MTHFSD: variants seen among roughly 807,000 people sequenced by gnomAD.
The protein encoded by MTHFSD is methenyltetrahydrofolate synthetase domain containing.
Under a neutral mutation model 31.1 loss-of-function variants are expected in MTHFSD, and 37 were observed. The observed-to-expected ratio is 1.19, with a 90% CI of 0.91 to 1.56. MTHFSD has a LOEUF of 1.56. Among genes scored for constraint, MTHFSD ranks in the 40% most tolerant of loss-of-function variants. The pLI is 0.00. For synonymous variants in MTHFSD, 221 were observed against 206.9 expected, an observed-to-expected ratio of 1.07 and a Z score of -0.59; for missense variants, 664 against 510.1, an observed-to-expected ratio of 1.30 and a Z score of -2.91.
rs1969955063 is a variant in MTHFSD, at chr16:86,531,106, C to T, written c.*905G>A. The T allele has an allele frequency of 6.6e-6, 1 of 152,110 alleles. No individual in the cohort carries two copies. The highest frequency in any genetic ancestry group is 6.5e-5 in the Admixed American group (1 of 15,276). The allele number at this position is 152,110 out of a possible 1,614,324, so 9.4% of individuals were successfully genotyped here. The stretch of plus-strand genomic sequence containing the variant: ...CCTCTGGCTAAAAAATCAAAATTTC[C>T]AAAGCATATACATTTGAAAAAAACA... On this transcript the variant is annotated 3_prime_UTR_variant, in exon 8 of 8. Transcript: ENST00000360900. The surrounding 1 kb of genome is among the most constrained non-coding windows in gnomAD (Gnocchi z 5.5).
rs1971559530 is a variant in MTHFSD, at chr16:86,541,789, G to A, written c.589C>T (p.His197Tyr). Residue 197 changes from histidine to tyrosine, a missense_variant, in exon 7 of 8, where the codon CAC (histidine) becomes TAC (tyrosine). Transcript: ENST00000360900. ...AGGATGTAGTCCACAGTGATGTCGT[G>A]CTCCTCAACAAGCTCTTCAGGGATG... ...VDIPEELVEE[H>Y]DITVDYILTP... 1.2e-6 allele frequency: 2 copies of A among 1,614,198 alleles called. No homozygotes were observed. The highest frequency in any genetic ancestry group is 2.2e-5 in the East Asian group (1 of 44,884).
intron 3 of MTHFSD, among the ~76,000 whole-genome samples, chr16:86,550,488 G>A (rs1021778220): frequency 6.6e-6 from 1 of 152,198 alleles, no homozygotes; most frequent in East Asian, 1.9e-4. Context: ...ACACTTGCAA[G>A]GACTGGCTCT....
chr16:86,535,341 C>T (rs1045992844), intron 7 of MTHFSD: 13 of 230,154 alleles, frequency 5.6e-5, no homozygotes, highest in Middle Eastern at 2.2e-3. Context: ...GGCTGTGGGG[C>T]GGCTTTGCCA....
At chr16:86,539,514 C>A (rs1971184954) in intron 7 of MTHFSD, among the ~76,000 whole-genome samples, 1 of 152,214 alleles carries the variant, frequency 6.6e-6, no homozygotes, top group Non-Finnish European at 1.5e-5. Flanking sequence ...AACGAGAGGG[C>A]TTGGAGAGTG....
intron 4 of MTHFSD, chr16:86,547,118 A>G: frequency 1.0e-6 from 1 of 959,078 alleles, no homozygotes; most frequent in Non-Finnish European, 1.2e-6. Flanking sequence ...AAACGTATGC[A>G]TTTAGCACAT....
chr16:86,541,766 G>C lies in MTHFSD; in HGVS notation c.612C>G (p.Ile204Met). The change falls in exon 7 of 8, where the codon ATC (isoleucine) becomes ATG (methionine). Residue 204 changes from isoleucine (I) to methionine (M), a missense_variant. Coordinates refer to ENST00000360900, the MANE Select transcript of MTHFSD (RefSeq NM_001159377.2). Reference protein sequence around the residue: ...VEEHDITVDYILTPTRVIATG... With the variant: ...VEEHDITVDYMLTPTRVIATG... The stretch of plus-strand genomic sequence containing the variant: ...TGGCGATGACTCTGGTTGGAGTGAG[G>C]ATGTAGTCCACAGTGATGTCGTGCT... The C allele has an allele frequency of 6.2e-7, 1 of 1,614,232 alleles. No homozygotes were observed. The highest frequency in any genetic ancestry group is 2.2e-5 in the East Asian group (1 of 44,882).
rs1241722618 is a variant in MTHFSD, at chr16:86,531,157, G to C, written c.*854C>G. 1 of 152,182 alleles carries C rather than the reference G, an allele frequency of 6.6e-6. No individual in the cohort carries two copies. The highest frequency in any genetic ancestry group is 1.5e-5 in the Non-Finnish European group (1 of 68,026). The allele number at this position is 152,182 out of a possible 1,614,324, so 9.4% of individuals were successfully genotyped here. ...AAATCTCCACTTAAAAGCTTATTTTGACTTGTTGCCCGGGATCAATTGCAA... is the reference window on the plus strand; with the variant it reads ...AAATCTCCACTTAAAAGCTTATTTTCACTTGTTGCCCGGGATCAATTGCAA... On this transcript the variant is annotated 3_prime_UTR_variant, in exon 8 of 8. Transcript: ENST00000360900. The surrounding 1 kb of genome is among the most constrained non-coding windows in gnomAD (Gnocchi z 5.5).
chr16:86,533,824 C>T (rs898758181), intron 7 of MTHFSD: 9 of 152,218 alleles, frequency 5.9e-5, no homozygotes, highest in Admixed American at 5.9e-4. Flanking sequence ...GTTAAAGATA[C>T]ACAAAAACCT....
intron 5 of MTHFSD, among the ~76,000 whole-genome samples, chr16:86,543,115 A>G (rs1459807232): frequency 6.6e-6 from 1 of 152,264 alleles, no homozygotes; most frequent in Non-Finnish European, 1.5e-5. Context: ...GGATATGAAC[A>G]GTTCACAGAA....
intron 7 of MTHFSD, among the ~76,000 whole-genome samples, chr16:86,535,035 C>G (rs4843389): frequency 0.22 from 33,180 of 152,204 alleles, 4,181 homozygotes; most frequent in East Asian, 0.36. Context: ...CGGCAGAAAT[C>G]TGTTTTGAAA....
intron 3 of MTHFSD, among the ~76,000 whole-genome samples, chr16:86,549,432 T>C (rs1312831068): frequency 6.6e-6 from 1 of 152,230 alleles, no homozygotes; most frequent in Non-Finnish European, 1.5e-5. Flanking sequence ...ACCCATGACA[T>C]CTGTTTGGCC....
At chr16:86,550,628 C>T (rs552417767) in intron 3 of MTHFSD, among the ~76,000 whole-genome samples, 1 of 152,318 alleles carries the variant, frequency 6.6e-6, no homozygotes, top group South Asian at 2.1e-4. Flanking sequence ...TAGTAGAGAA[C>T]CAAACCACAT....
At chr16:86,546,437 G>C in intron 5 of MTHFSD, 122 bp downstream of exon 5, 1 of 838,554 alleles carries the variant, frequency 1.2e-6, no homozygotes, top group East Asian at 2.5e-5. Context: ...CGGCTTCGGA[G>C]ACCAGGTAAG....
chr16:86,552,805 G>C (rs1347949574), intron 2 of MTHFSD, among the ~76,000 whole-genome samples: 1 of 152,212 alleles, frequency 6.6e-6, no homozygotes, highest in Middle Eastern at 3.2e-3. Flanking sequence ...GAGGACCAGG[G>C]AAGGTGGAGC....
At position 86,541,693 on chromosome 16, in the gene MTHFSD, C is replaced by A. The variant is rs775619193; in HGVS notation, c.681+4G>T. On this transcript the variant is annotated splice_donor_region_variant and intron_variant, in intron 7 of 7. Coordinates refer to ENST00000360900, the MANE Select transcript of MTHFSD (RefSeq NM_001159377.2). ...GGCCAGAGCTGGCCACTGCCGTGAC[C>A]CACCTTGAACCAGGTGATTCCCATT... 3 of 1,612,476 alleles carry A rather than the reference C, an allele frequency of 1.9e-6. No individual in the cohort carries two copies. The highest frequency in any genetic ancestry group is 2.5e-6 in the Non-Finnish European group (3 of 1,179,368).
At chr16:86,552,809 G>A (rs1019759138) in intron 2 of MTHFSD, among the ~76,000 whole-genome samples, 1 of 152,178 alleles carries the variant, frequency 6.6e-6, no homozygotes, top group South Asian at 2.1e-4. Flanking sequence ...ACCAGGGAAG[G>A]TGGAGCTTGT....
chr16:86,544,520 A>G (rs1463358554), intron 5 of MTHFSD, among the ~76,000 whole-genome samples: 1 of 152,234 alleles, frequency 6.6e-6, no homozygotes, highest in Non-Finnish European at 1.5e-5. Context: ...AATCAAAACC[A>G]CAATGAGACA....
At position 86,540,839 on chromosome 16, in the gene MTHFSD, C is replaced by T. The variant is rs113461089; in HGVS notation, c.681+858G>A. On this transcript the variant is annotated intron_variant, in intron 7 of 7. Coordinates refer to ENST00000360900, the MANE Select transcript of MTHFSD (RefSeq NM_001159377.2). ...AGGCTGTTCCCTCTGCGTTCATCAG[C>T]GGCCAACCGAGGAGTGCACACCTGG... is the stretch of plus-strand genomic sequence containing the variant. 1,191 of 1,042,140 alleles carry T rather than the reference C, an allele frequency of 1.1e-3. 10 individuals are homozygous for T. In the African/African-American group the frequency reaches 0.018, roughly 16 times the overall value. 64.6% of individuals were successfully genotyped at this position (1,042,140 alleles called of 1,614,324 possible).
intron 7 of MTHFSD, among the ~76,000 whole-genome samples, chr16:86,534,674 T>C (rs1037703736): frequency 6.6e-6 from 1 of 152,254 alleles, no homozygotes; most frequent in Non-Finnish European, 1.5e-5. Flanking sequence ...TTGAAACAGA[T>C]GATACAATTT....
Sources: allele counts gnomAD v4.1 joint callset (sites outside exome capture counted in the v4.1 genomes callset), GRCh38; gene constraint gnomAD v4.1.1; non-coding constraint Gnocchi (gnomAD v3.1); transcripts MANE v1.5; gene names NCBI Gene and HGNC (gene_info 2026-07-23, HGNC 2026-07-21).